DGKB: variants seen among roughly 807,000 people sequenced by gnomAD.
The protein encoded by DGKB is 90 kDa diacylglycerol kinase.
DGKB carries 67 observed loss-of-function variants against 114.3 expected under a neutral mutation model. The observed-to-expected ratio is 0.59, with a 90% CI of 0.48 to 0.72. The LOEUF (loss-of-function observed/expected upper bound fraction) is 0.72. Ranked by LOEUF, DGKB falls within the 30% of genes least tolerant of loss-of-function variation. DGKB has a pLI of 0.00. For missense variants in DGKB, 907 were observed against 975.2 expected, an observed-to-expected ratio of 0.93 and a Z score of 0.93; for synonymous variants, 398 against 323.1, an observed-to-expected ratio of 1.23 and a Z score of -2.49.
Position 14,786,974 on chromosome 7 carries a change from C to T in DGKB, c.71-29243G>A, listed in dbSNP as rs555449433. 9.8e-4 allele frequency among the ~76,000 whole-genome samples: 150 copies of T among 152,348 alleles called. No individual in the cohort carries two copies. The Middle Eastern group carries it at 0.01, about 10-fold the overall frequency. ...TGAGAGCTGCAAATATCAGGATGAT[C>T]TGACTGTGGAGAGGAGCTATCCACT... On this transcript the variant is annotated intron_variant, in intron 2 of 25. Coordinates refer to ENST00000402815, the MANE Select transcript of DGKB (RefSeq NM_001350709.2).
chr7:14,420,735 A>T (rs1826532375), intron 21 of DGKB, among the ~76,000 whole-genome samples: 2 of 152,088 alleles, frequency 1.3e-5, no homozygotes, highest in Non-Finnish European at 2.9e-5. Flanking sequence ...TATGTGGCTG[A>T]GATGCTGATT....
chr7:14,187,900 T>G (rs2128263390), intron 23 of DGKB, among the ~76,000 whole-genome samples: 1 of 152,254 alleles, frequency 6.6e-6, no homozygotes, highest in Middle Eastern at 3.4e-3. Context: ...ATTATGATTT[T>G]AAGGAAACTG....
rs1484900429 is a variant in DGKB, at chr7:14,872,369, C to T, written c.-188+30223G>A. ...CAGCAGACTCAGGATCTCCGCAGAGCACACTATAGGCAAATACTACCGGTT... is the reference window on the plus strand; with the variant it reads ...CAGCAGACTCAGGATCTCCGCAGAGTACACTATAGGCAAATACTACCGGTT... On this transcript the variant is annotated intron_variant, in intron 1 of 25. Coordinates refer to ENST00000402815, the MANE Select transcript of DGKB (RefSeq NM_001350709.2). Among the ~76,000 whole-genome samples, 3 of 152,160 alleles carry T rather than the reference C, an allele frequency of 2.0e-5. No individual in the cohort carries two copies. In the East Asian group the frequency reaches 5.8e-4, roughly 29 times the overall value.
Position 14,454,306 on chromosome 7 carries a change from T to A in DGKB, c.1835+23855A>T, listed in dbSNP as rs1563216906. Reference sequence around the variant, plus strand: ...CTAATTTGAAAATACTTCCCTATTTTAAAAAATCACTTAATTCTATGGTAT... The same window carrying A: ...CTAATTTGAAAATACTTCCCTATTTAAAAAAATCACTTAATTCTATGGTAT... On this transcript the variant is annotated intron_variant, in intron 21 of 25. Coordinates refer to ENST00000402815, the MANE Select transcript of DGKB (RefSeq NM_001350709.2). Among the ~76,000 whole-genome samples the A allele has an allele frequency of 3.9e-5, 6 of 152,244 alleles. No homozygotes were observed. The South Asian group carries it at 1.0e-3, about 26-fold the overall frequency.
chr7:14,831,460 G>C (rs1250660962), intron 2 of DGKB, among the ~76,000 whole-genome samples: 1 of 151,982 alleles, frequency 6.6e-6, no homozygotes, highest in Non-Finnish European at 1.5e-5. Flanking sequence ...ACTCTCCTTT[G>C]AGCAAAAAGA....
chr7:14,397,247 A>G (rs1822357810), intron 21 of DGKB, among the ~76,000 whole-genome samples: 1 of 152,170 alleles, frequency 6.6e-6, no homozygotes, highest in Admixed American at 6.5e-5. Context: ...TTTCACTAGT[A>G]CAAGACCGGG....
chr7:14,720,492 TG>T, intron 5 of DGKB, among the ~76,000 whole-genome samples: 1 of 149,216 alleles, frequency 6.7e-6, no homozygotes, highest in Non-Finnish European at 1.5e-5. Flanking sequence ...TGTGTGTGTG[TG>T]TGTGTGTGTG....
At chr7:14,884,235 T>C (rs936942857) in intron 1 of DGKB, among the ~76,000 whole-genome samples, 2 of 151,982 alleles carry the variant, frequency 1.3e-5, no homozygotes, top group East Asian at 3.9e-4. Context: ...ACCCTTGTTC[T>C]AGGCAACACT....
chr7:14,551,608 T>C (rs569619569), intron 20 of DGKB, among the ~76,000 whole-genome samples: 1 of 152,240 alleles, frequency 6.6e-6, no homozygotes, highest in South Asian at 2.1e-4. Context: ...TGTGGCTGAA[T>C]ATCTGTTGAT....
chr7:14,291,912 G>A (rs946718547), intron 23 of DGKB, among the ~76,000 whole-genome samples: 1 of 152,044 alleles, frequency 6.6e-6, no homozygotes, highest in African/African-American at 2.4e-5. Flanking sequence ...AGAAGCAGGA[G>A]GTAATATCAG....
intron 1 of DGKB, among the ~76,000 whole-genome samples, chr7:14,871,190 G>A (rs7777788): frequency 0.72 from 109,070 of 151,982 alleles, 40,273 homozygotes; most frequent in South Asian, 0.82. Flanking sequence ...TATACACTGT[G>A]GAATGATCAC....
chr7:14,647,893 T>C (rs1341540104), intron 13 of DGKB, among the ~76,000 whole-genome samples: 3 of 152,176 alleles, frequency 2.0e-5, no homozygotes, highest in Non-Finnish European at 4.4e-5. Flanking sequence ...GGACAGCACC[T>C]GGAAAATCGG....
chr7:14,297,629 CT>C (rs1802808662), intron 23 of DGKB, among the ~76,000 whole-genome samples: 1 of 152,152 alleles, frequency 6.6e-6, no homozygotes. Context: ...GAAGCATTCT[CT>C]TTGAAAACTG....
At chr7:14,530,843 T>C (rs570354468) in intron 20 of DGKB, among the ~76,000 whole-genome samples, 2 of 151,710 alleles carry the variant, frequency 1.3e-5, no homozygotes, top group South Asian at 2.1e-4. Context: ...GCAGAAAATG[T>C]CATGAATGAA....
rs1408521272 is a variant in DGKB, at chr7:14,317,294, G to T, written c.2122+21221C>A. The stretch of plus-strand genomic sequence containing the variant: ...TGGAAGTTCTGGCCAGGGCAATTAG[G>T]CAGGAGAAGGAAATAAGGGGTATTC... On this transcript the variant is annotated intron_variant, in intron 23 of 25. Transcript: ENST00000402815. Among the ~76,000 whole-genome samples, 165 of 100,034 alleles carry T rather than the reference G, an allele frequency of 1.6e-3. 1 individual carries two copies. Among genetic ancestry groups the T allele is most frequent in the African/African-American group, 6.1e-3 (150 of 24,418 alleles). The allele number at this position is 100,034 out of a possible 152,430, so 65.6% of individuals were successfully genotyped here. A position where few individuals can be genotyped will look rare whatever the true frequency, so the allele number is the denominator to read the frequency against.
intron 5 of DGKB, among the ~76,000 whole-genome samples, chr7:14,726,661 C>T (rs900204329): frequency 7.9e-5 from 12 of 152,210 alleles, no homozygotes; most frequent in African/African-American, 2.9e-4. Context: ...TGGCCCATGT[C>T]TTGGGCCATC....
chr7:14,723,520 T>C (rs1349147695), intron 5 of DGKB, among the ~76,000 whole-genome samples: 2 of 152,118 alleles, frequency 1.3e-5, no homozygotes, highest in African/African-American at 4.8e-5. Context: ...CTATACTACT[T>C]TAAATATTTC....
chr7:14,728,053 A>G (rs1464939925), intron 5 of DGKB, among the ~76,000 whole-genome samples: 1 of 152,154 alleles, frequency 6.6e-6, no homozygotes, highest in East Asian at 1.9e-4. Context: ...GCGTGACTCA[A>G]ATGCACAGAA....
At chr7:14,815,528 T>A (rs1844004708) in intron 2 of DGKB, among the ~76,000 whole-genome samples, 1 of 152,206 alleles carries the variant, frequency 6.6e-6, no homozygotes, top group Non-Finnish European at 1.5e-5. Flanking sequence ...TCATTCCACA[T>A]GATTATTTTT....
Sources: allele counts gnomAD v4.1 joint callset (sites outside exome capture counted in the v4.1 genomes callset), GRCh38; gene constraint gnomAD v4.1.1; transcripts MANE v1.5; gene names NCBI Gene and HGNC (gene_info 2026-07-23, HGNC 2026-07-21).